Variants in OPCML observed in about 807,000 individuals in gnomAD.
OPCML encodes the protein opioid binding protein/cell adhesion molecule like.
Under a neutral mutation model 37.8 loss-of-function variants are expected in OPCML, and 13 were observed. That is an observed-to-expected ratio of 0.34 (90% confidence interval 0.22 to 0.55). The LOEUF is 0.55. Ranked by LOEUF, OPCML falls within the 20% of genes least tolerant of loss-of-function variation. The probability of loss-of-function intolerance (pLI) is 0.91; values close to 1 mark genes in which losing one functional copy is unlikely to be tolerated. For synonymous variants in OPCML, 176 were observed against 168.8 expected (o/e 1.04, Z -0.33); for missense variants, 341 against 435.6 (o/e 0.78, Z 1.93).
intron 3 of OPCML, among the ~76,000 whole-genome samples, chr11:132,639,658 T>A (rs1793279): frequency 3.3e-5 from 5 of 152,076 alleles, no homozygotes; most frequent in African/African-American, 1.2e-4. Flanking sequence ...GGCAAGTTGG[T>A]CTGGCCCTCA....
At chr11:132,469,631 TGTGTATGTGTGTGGGG>T (rs369616435) in intron 4 of OPCML, among the ~76,000 whole-genome samples, 5 of 127,952 alleles carry the variant, frequency 3.9e-5, no homozygotes, top group South Asian at 2.6e-4. Context: ...GTGGGGTGTG[TGTGTATGTGTGTGGGG>T]GTGTATGTGT....
chr11:133,369,897 G>C (rs1944635426), intron 1 of OPCML, among the ~76,000 whole-genome samples: 1 of 152,150 alleles, frequency 6.6e-6, no homozygotes, highest in African/African-American at 2.4e-5. Flanking sequence ...TTGGATTTTG[G>C]GGGATTTTGG....
intron 1 of OPCML, among the ~76,000 whole-genome samples, chr11:133,242,573 C>T (rs1940771357): frequency 6.6e-6 from 1 of 152,174 alleles, no homozygotes; most frequent in Non-Finnish European, 1.5e-5. Flanking sequence ...GGTGCCTCTC[C>T]TTGCCCTCAT....
chr11:133,032,303 A>G (rs1304801315), intron 1 of OPCML, among the ~76,000 whole-genome samples: 1 of 152,090 alleles, frequency 6.6e-6, no homozygotes, highest in African/African-American at 2.4e-5. Context: ...CCCTTACATA[A>G]TGCCCCAGCC....
Position 132,609,611 on chromosome 11 carries a change from G to A in OPCML, c.379+47476C>T, listed in dbSNP as rs138237562. Among the ~76,000 whole-genome samples, 527 of 152,280 alleles carry A rather than the reference G, an allele frequency of 3.5e-3. 1 individual carries two copies. Among genetic ancestry groups the A allele is most frequent in the African/African-American group, 0.01 (430 of 41,560 alleles). ...CTTCCTCTTGTAGGGCTCCTCTGTG[G>A]CTCAATTCCTGCTCTTCCTTTAAAG... On this transcript the variant is annotated intron_variant, in intron 3 of 7. Coordinates refer to ENST00000524381, the MANE Select transcript of OPCML (RefSeq NM_001012393.5).
intron 1 of OPCML, among the ~76,000 whole-genome samples, chr11:133,035,058 G>C (rs1410357707): frequency 3.3e-5 from 5 of 152,184 alleles, no homozygotes; most frequent in Non-Finnish European, 5.9e-5. Flanking sequence ...CCAGGCGGGA[G>C]GAAAGGATGC....
At chr11:133,305,900 C>T (rs1186427780) in intron 1 of OPCML, among the ~76,000 whole-genome samples, 1 of 152,194 alleles carries the variant, frequency 6.6e-6, no homozygotes, top group Admixed American at 6.5e-5. Flanking sequence ...GGTCAAACGA[C>T]TCACCAGTAA....
intron 1 of OPCML, among the ~76,000 whole-genome samples, chr11:133,200,466 A>G (rs1938726076): frequency 6.6e-6 from 1 of 152,196 alleles, no homozygotes; most frequent in African/African-American, 2.4e-5. Context: ...CTCCACCCTC[A>G]GCAATCTCAT....
At chr11:133,375,484 T>G (rs994487182) in intron 1 of OPCML, among the ~76,000 whole-genome samples, 2 of 152,208 alleles carry the variant, frequency 1.3e-5, no homozygotes, top group African/African-American at 4.8e-5. Flanking sequence ...AAAATAATTC[T>G]GGGGCTACTT....
At chr11:133,362,890 G>A (rs1944455102) in intron 1 of OPCML, among the ~76,000 whole-genome samples, 1 of 152,190 alleles carries the variant, frequency 6.6e-6, no homozygotes, top group African/African-American at 2.4e-5. Flanking sequence ...CATGGACAGA[G>A]GGTGGTGATG....
chr11:133,332,791 G>A (rs1187728042), intron 1 of OPCML, among the ~76,000 whole-genome samples: 1 of 152,126 alleles, frequency 6.6e-6, no homozygotes, highest in Non-Finnish European at 1.5e-5. Context: ...AACCTTGCCT[G>A]CGGGGATGAA....
intron 1 of OPCML, among the ~76,000 whole-genome samples, chr11:133,435,475 C>T (rs950343528): frequency 1.3e-5 from 2 of 152,140 alleles, no homozygotes; most frequent in South Asian, 4.1e-4. Context: ...GGTGAGTTTA[C>T]TCAGGTATTG....
At chr11:132,949,924 G>A (rs577162112) in intron 1 of OPCML, among the ~76,000 whole-genome samples, 26 of 152,256 alleles carry the variant, frequency 1.7e-4, no homozygotes, top group East Asian at 7.7e-4. Context: ...TTGGAAGAGC[G>A]AAAAATCAAA....
At chr11:132,829,951 C>G (rs1300861710) in intron 2 of OPCML, among the ~76,000 whole-genome samples, 2 of 151,970 alleles carry the variant, frequency 1.3e-5, no homozygotes, top group African/African-American at 4.8e-5. Flanking sequence ...GTATTGGTAA[C>G]CCAGATTTCA....
intron 4 of OPCML, among the ~76,000 whole-genome samples, chr11:132,482,635 C>A (rs1220939830): frequency 6.6e-6 from 1 of 152,162 alleles, no homozygotes; most frequent in Non-Finnish European, 1.5e-5. Flanking sequence ...AATTTTAGAC[C>A]AATATCCTTG....
In OPCML at chr11:132,732,627, A is replaced by C. The variant is rs567334134; in HGVS notation, c.147-75308T>G. 5.3e-5 allele frequency among the ~76,000 whole-genome samples: 8 copies of C among 152,266 alleles called. 1 individual carries two copies. In the Middle Eastern group the frequency reaches 0.017, roughly 324 times the overall value. Reference sequence around the variant, plus strand: ...GTGAGGAAAAAAGCTGGCACCCTACAACCCCAGTGTGTAAGGGGAGGCTTC... The same window carrying C: ...GTGAGGAAAAAAGCTGGCACCCTACCACCCCAGTGTGTAAGGGGAGGCTTC... On this transcript the variant is annotated intron_variant, in intron 2 of 7. Coordinates refer to ENST00000524381, the MANE Select transcript of OPCML (RefSeq NM_001012393.5).
In OPCML at chr11:133,316,206, A is replaced by T. The variant is rs543087112; in HGVS notation, c.61+216058T>A. 3.3e-5 allele frequency among the ~76,000 whole-genome samples: 5 copies of T among 152,296 alleles called. No individual in the cohort carries two copies. The South Asian group carries it at 1.0e-3, about 32-fold the overall frequency. On this transcript the variant is annotated intron_variant, in intron 1 of 7. Coordinates refer to ENST00000524381, the MANE Select transcript of OPCML (RefSeq NM_001012393.5). ...ACATTCTGTATGCTCAGATAGGAAC[A>T]AGACTGAGGTGGTTGAAGCAGAAGG...
intron 1 of OPCML, among the ~76,000 whole-genome samples, chr11:133,466,115 C>T (rs976101480): frequency 4.6e-5 from 7 of 152,086 alleles, no homozygotes; most frequent in African/African-American, 1.7e-4. Flanking sequence ...CAATCCTGCC[C>T]CTCCCTCTTC....
chr11:132,435,676 C>A (rs567545111), intron 7 of OPCML, among the ~76,000 whole-genome samples: 1 of 152,324 alleles, frequency 6.6e-6, no homozygotes, highest in East Asian at 1.9e-4. Flanking sequence ...ATACGAAATG[C>A]AAGCAACATG....
Sources: gnomAD v4.1 joint callset for allele counts (sites outside exome capture counted in the v4.1 genomes callset) on GRCh38, gnomAD v4.1.1 for gene constraint, MANE v1.5 for transcripts, NCBI Gene and HGNC (gene_info 2026-07-23, HGNC 2026-07-21) for gene names.